The following DPYD variants were observed in gnomAD, a reference collection of about 807,000 sequenced individuals.
DPYD encodes dihydropyrimidine dehydrogenase.
In DPYD, 109 loss-of-function variants were observed where a neutral mutation model predicts 116.2. The ratio of observed to expected loss-of-function variants is 0.94; its 90% CI spans 0.80 to 1.10. The LOEUF (loss-of-function observed/expected upper bound fraction) is 1.10, where lower values mean the gene tolerates loss of function less well. Ranked by LOEUF, DPYD falls within the 50% of genes least tolerant of loss-of-function variation. The probability of loss-of-function intolerance (pLI) is 0.00; values close to 1 mark genes in which losing one functional copy is unlikely to be tolerated. For missense variants in DPYD, 1,302 were observed against 1,254.5 expected (o/e 1.04, Z -0.57); for synonymous variants, 440 against 432.0 (o/e 1.02, Z -0.23).
At chr1:97,286,458 T>C (rs377420010) in intron 18 of DPYD, among the ~76,000 whole-genome samples, 179 of 152,138 alleles carry the variant, frequency 1.2e-3, no homozygotes, top group East Asian at 4.1e-3. Context: ...TGAATCTGAA[T>C]GTTGGCCTGC....
intron 13 of DPYD, among the ~76,000 whole-genome samples, chr1:97,498,212 G>C (rs924825185): frequency 1.3e-5 from 2 of 151,542 alleles, no homozygotes; most frequent in African/African-American, 2.4e-5. Context: ...CTTTCTTAGG[G>C]TGATAGAAAT....
At position 97,289,704 on chromosome 1, in the gene DPYD, A is replaced by C. The variant is rs556726064; in HGVS notation, c.2299+15555T>G. ...GACGTATCTCAAAATCATAAGAGCT[A>C]TCTATGACTAACCCACAGCCAATAT... On this transcript the variant is annotated intron_variant, in intron 18 of 22. Coordinates refer to ENST00000370192, the MANE Select transcript of DPYD (RefSeq NM_000110.4). 2.7e-4 allele frequency among the ~76,000 whole-genome samples: 41 copies of C among 152,288 alleles called. No homozygotes were observed. The East Asian group carries it at 7.9e-3, about 29-fold the overall frequency.
At chr1:97,085,542 A>G (rs1444328564) in intron 21 of DPYD, among the ~76,000 whole-genome samples, 1 of 152,242 alleles carries the variant, frequency 6.6e-6, no homozygotes, top group Non-Finnish European at 1.5e-5. Flanking sequence ...GGAAGAGGAT[A>G]AAAGAATGAC....
chr1:97,813,834 T>C (rs1175861607), intron 3 of DPYD, among the ~76,000 whole-genome samples: 1 of 152,052 alleles, frequency 6.6e-6, no homozygotes, highest in Non-Finnish European at 1.5e-5. Context: ...CCTGTATTCC[T>C]TTAATGAAGC....
At chr1:97,694,620 C>G (rs867611693) in intron 6 of DPYD, among the ~76,000 whole-genome samples, 31 of 152,216 alleles carry the variant, frequency 2.0e-4, no homozygotes, top group South Asian at 1.0e-3. Flanking sequence ...CCTCAGACAA[C>G]CCCATTTTAT....
intron 20 of DPYD, among the ~76,000 whole-genome samples, chr1:97,123,844 C>T (rs1344774558): frequency 6.6e-6 from 1 of 152,038 alleles, no homozygotes; most frequent in African/African-American, 2.4e-5. Flanking sequence ...TGCTGTGTTT[C>T]GGCAGACACC....
chr1:97,363,921 G>A (rs1057316845), intron 16 of DPYD, among the ~76,000 whole-genome samples: 1 of 152,152 alleles, frequency 6.6e-6, no homozygotes, highest in Non-Finnish European at 1.5e-5. Context: ...TGCACGTTGT[G>A]CACATGTACC....
intron 13 of DPYD, among the ~76,000 whole-genome samples, chr1:97,477,277 T>C (rs1678018031): frequency 6.6e-6 from 1 of 152,226 alleles, no homozygotes; most frequent in African/African-American, 2.4e-5. Context: ...AATAAACTAC[T>C]TTCTTTGCTC....
intron 2 of DPYD, among the ~76,000 whole-genome samples, chr1:97,878,568 C>A (rs1194418503): frequency 6.6e-6 from 1 of 151,962 alleles, no homozygotes; most frequent in African/African-American, 2.4e-5. Flanking sequence ...AAAGTCAACT[C>A]CCAAATCATA....
chr1:97,122,935 A>G (rs1001332684), intron 20 of DPYD, among the ~76,000 whole-genome samples: 5 of 152,188 alleles, frequency 3.3e-5, no homozygotes, highest in African/African-American at 1.2e-4. Context: ...TTAGTTCTCA[A>G]TTGCACTGCT....
intron 13 of DPYD, among the ~76,000 whole-genome samples, chr1:97,479,000 G>A (rs764329672): frequency 5.3e-5 from 8 of 152,180 alleles, no homozygotes; most frequent in Non-Finnish European, 7.3e-5. Context: ...ATTGGAGCAC[G>A]TCAAGGCCTT....
Position 97,263,899 on chromosome 1 carries a change from A to T in DPYD, c.2300-28905T>A, listed in dbSNP as rs1482101597. 2.0e-5 allele frequency among the ~76,000 whole-genome samples: 3 copies of T among 152,158 alleles called. No homozygotes were observed. The East Asian group carries it at 5.8e-4, about 29-fold the overall frequency. On this transcript the variant is annotated intron_variant, in intron 18 of 22. Transcript: ENST00000370192. ...AAAACATGTTAAACACATACTTCAGATAATTGAAAAATTACCCCCTTCATT... is the reference window on the plus strand; with the variant it reads ...AAAACATGTTAAACACATACTTCAGTTAATTGAAAAATTACCCCCTTCATT...
chr1:97,513,650 G>A (rs1232569010), intron 13 of DPYD, among the ~76,000 whole-genome samples: 1 of 151,742 alleles, frequency 6.6e-6, no homozygotes, highest in East Asian at 1.9e-4. Flanking sequence ...TCACCGAAAT[G>A]TATAGTACAT....
intron 12 of DPYD, among the ~76,000 whole-genome samples, chr1:97,535,230 T>A (rs1649908675): frequency 6.6e-6 from 1 of 152,170 alleles, no homozygotes; most frequent in Non-Finnish European, 1.5e-5. Flanking sequence ...AATCACTGAA[T>A]TCAGAAGAAC....
chr1:97,428,779 C>CTT (rs11382165), intron 14 of DPYD, among the ~76,000 whole-genome samples: 11,257 of 149,562 alleles, frequency 0.075, 446 homozygotes, highest in East Asian at 0.15. Context: ...CTTAAGTTTT[C>CTT]TTTTTTTTTT....
At chr1:97,410,656 G>T (rs1034823065) in intron 14 of DPYD, among the ~76,000 whole-genome samples, 1 of 152,056 alleles carries the variant, frequency 6.6e-6, no homozygotes, top group Non-Finnish European at 1.5e-5. Context: ...GTGTCACATT[G>T]TGAGCATATT....
At chr1:97,123,301 A>T (rs1029400178) in intron 20 of DPYD, among the ~76,000 whole-genome samples, 4 of 152,120 alleles carry the variant, frequency 2.6e-5, no homozygotes, top group Admixed American at 1.3e-4. Context: ...TGTAGACAAA[A>T]TTTATTTTTT....
intron 14 of DPYD, among the ~76,000 whole-genome samples, chr1:97,436,706 C>G (rs1675491706): frequency 6.6e-6 from 1 of 151,992 alleles, no homozygotes; most frequent in African/African-American, 2.4e-5. Context: ...TCAGCAAAGC[C>G]AAAGCTTAAC....
At chr1:97,919,288 A>G (rs1418331200) in intron 1 of DPYD, among the ~76,000 whole-genome samples, 2 of 152,230 alleles carry the variant, frequency 1.3e-5, no homozygotes, top group African/African-American at 4.8e-5. Flanking sequence ...CAAACTGGCC[A>G]TATAGACTAA....
Sources: allele counts gnomAD v4.1 joint callset (sites outside exome capture counted in the v4.1 genomes callset), GRCh38; gene constraint gnomAD v4.1.1; transcripts MANE v1.5; gene names NCBI Gene and HGNC (gene_info 2026-07-23, HGNC 2026-07-21).